Variants in NLRP2 observed in about 807,000 individuals in gnomAD.
The protein encoded by NLRP2 is NLR family pyrin domain containing 2, also known as NACHT, LRR and PYD domains-containing protein 2.
A neutral mutation model predicts 97.2 loss-of-function variants in NLRP2; 107 were observed. The ratio of observed to expected loss-of-function variants is 1.10; its 90% CI spans 0.94 to 1.29. The LOEUF is 1.29. Among genes scored for constraint, NLRP2 ranks in the 50% most tolerant of loss-of-function variants. The probability of loss-of-function intolerance (pLI) is 0.00; values close to 1 mark genes in which losing one functional copy is unlikely to be tolerated. For missense variants in NLRP2, 1,495 were observed against 1,330.3 expected (o/e 1.12, Z -1.93); for synonymous variants, 663 against 551.5 (o/e 1.20, Z -2.83).
Position 55,000,972 on chromosome 19 carries a change from C to T in NLRP2, c.*74C>T, listed in dbSNP as rs1173331500. 7.4e-7 allele frequency: 1 copy of T among 1,358,354 alleles called. No individual in the cohort carries two copies. The highest frequency in any genetic ancestry group is 1.4e-5 in the African/African-American group (1 of 70,042). The allele number at this position is 1,358,354 out of a possible 1,614,324, so 84.1% of individuals were successfully genotyped here. ...TTGGTGAACTGCCTGTGACTCCTCT[C>T]CTCCCCGGCCCCTACCCCTCAGGGA... is the stretch of plus-strand genomic sequence containing the variant. On this transcript the variant is annotated 3_prime_UTR_variant, in exon 13 of 13. Transcript: ENST00000448584.
At position 54,977,792 on chromosome 19, in the gene NLRP2, A is replaced by G; in HGVS notation, c.366A>G (p.Glu122=). Residue 122 remains glutamate, a synonymous_variant, in exon 4 of 13, where the codon GAA becomes GAG. Transcript: ENST00000448584. ...AACGACCACCTCTAGACGTGGACGA[A>G]ATGCTGGAGCGCTTCAAAACAGAAG... ...RKERPPLDVD[E]MLERFKTEAQ... is the part of the protein sequence containing the mutation. 1.2e-6 allele frequency: 2 copies of G among 1,613,846 alleles called. No individual in the cohort carries two copies. Among genetic ancestry groups the G allele is most frequent in the Admixed American group, 1.7e-5 (1 of 59,956 alleles).
intron 8 of NLRP2, 144 bp downstream of exon 8, chr19:54,986,459 G>A: frequency 1.4e-6 from 1 of 736,456 alleles, no homozygotes; most frequent in African/African-American, 1.7e-5. Context: ...TGCAGCATGG[G>A]CTGAACTTGA....
At chr19:54,999,098 A>T (rs563557848) in intron 12 of NLRP2, among the ~76,000 whole-genome samples, 2 of 142,426 alleles carry the variant, frequency 1.4e-5, no homozygotes, top group Non-Finnish European at 3.1e-5. Context: ...GGCCGGGCAG[A>T]GGCGCCCCTC....
chr19:54,966,765 C>G (rs551105974), intron 1 of NLRP2, among the ~76,000 whole-genome samples: 4 of 149,984 alleles, frequency 2.7e-5, no homozygotes, highest in African/African-American at 7.4e-5. Context: ...CCAGGCTGGT[C>G]TCAGTCCGCC....
intron 1 of NLRP2, among the ~76,000 whole-genome samples, chr19:54,969,596 A>T (rs1406457608): frequency 6.6e-6 from 1 of 152,166 alleles, no homozygotes; most frequent in Non-Finnish European, 1.5e-5. Flanking sequence ...CAGAGGTTGC[A>T]GTGAGCTGAG....
At chr19:54,984,060 A>G (rs1162948993) in intron 6 of NLRP2, among the ~76,000 whole-genome samples, 4 of 152,112 alleles carry the variant, frequency 2.6e-5, no homozygotes, top group African/African-American at 9.7e-5. Context: ...CATGTTGGCC[A>G]GTCTGGTCTT....
chr19:54,981,818 G>T (rs1389033483), intron 5 of NLRP2, 136 bp downstream of exon 5: 3 of 734,066 alleles, frequency 4.1e-6, no homozygotes, highest in African/African-American at 3.5e-5. Flanking sequence ...TGCTCTTGTT[G>T]CCCAGGCTGG....
Position 54,994,475 on chromosome 19 carries a change from C to A in NLRP2, c.2879+36C>A, listed in dbSNP as rs183657344. 418 of 1,603,214 alleles carry A rather than the reference C, an allele frequency of 2.6e-4. No individual in the cohort carries two copies. In the African/African-American group the frequency reaches 4.8e-3, roughly 19 times the overall value. Reference sequence around the variant, plus strand: ...TTATAAGTTCAACTTCCTATACTTACACCTTACTGAATCTGTGGCTAGTGT... The same window carrying A: ...TTATAAGTTCAACTTCCTATACTTAAACCTTACTGAATCTGTGGCTAGTGT... On this transcript the variant is annotated intron_variant, in intron 11 of 12. Coordinates refer to ENST00000448584, the MANE Select transcript of NLRP2 (RefSeq NM_017852.5).
intron 6 of NLRP2, among the ~76,000 whole-genome samples, chr19:54,984,629 C>T (rs1035155188): frequency 2.1e-4 from 32 of 150,838 alleles, no homozygotes; most frequent in African/African-American, 7.8e-4. Flanking sequence ...ATTACAGCCA[C>T]CCACGACCAT....
chr19:54,973,344 G>GTTTTTT (rs10673643), intron 2 of NLRP2, among the ~76,000 whole-genome samples: 26 of 92,512 alleles, frequency 2.8e-4, no homozygotes, highest in African/African-American at 9.4e-4. Context: ...ATGGGTGAGG[G>GTTTTTT]TTTTTTTTTT....
intron 4 of NLRP2, 110 bp from the exon 5 acceptor site, chr19:54,981,507 G>A (rs921847523): frequency 2.2e-5 from 11 of 495,044 alleles, no homozygotes; most frequent in Admixed American, 1.8e-4. Flanking sequence ...ATCTGATCCC[G>A]TGCCCCCCCT....
Position 54,982,633 on chromosome 19 carries a change from A to C in NLRP2, c.935A>C (p.Lys312Thr), listed in dbSNP as rs1194518302. The C allele has an allele frequency of 6.8e-6, 11 of 1,614,016 alleles. No individual in the cohort carries two copies. In the East Asian group the frequency reaches 8.9e-5, roughly 13 times the overall value. Residue 312 changes from lysine to threonine, a missense_variant, in exon 6 of 13, where the codon AAG (lysine) becomes ACG (threonine). Lys to Thr is a moderately conservative substitution (Grantham distance 78, BLOSUM62 -1). Coordinates refer to ENST00000448584, the MANE Select transcript of NLRP2 (RefSeq NM_017852.5). Reference protein sequence around the residue: ...EDICGDWEKKKPVPVLLGSLL... With the variant: ...EDICGDWEKKTPVPVLLGSLL... ...ATCTGCGGGGACTGGGAGAAGAAGA[A>C]GCCGGTGCCCGTCCTCCTGGGGAGT...
At position 54,989,933 on chromosome 19, in the gene NLRP2, G is replaced by A. The variant is rs2072345796; in HGVS notation, c.2367-89G>A. On this transcript the variant is annotated intron_variant, in intron 8 of 12. Coordinates refer to ENST00000448584, the MANE Select transcript of NLRP2 (RefSeq NM_017852.5). ...TTGAACCCAGGAGGCGGAGGTTGCT[G>A]TGAGCCGAGATTGCGCCACCTGGGC... 10 of 1,447,666 alleles carry A rather than the reference G, an allele frequency of 6.9e-6. No homozygotes were observed. The South Asian group carries it at 8.1e-5, about 12-fold the overall frequency. 89.7% of individuals were successfully genotyped at this position (1,447,666 alleles called of 1,614,324 possible). A position where few individuals can be genotyped will look rare whatever the true frequency, so the allele number is the denominator to read the frequency against.
In NLRP2 at chr19:54,990,592, C is replaced by G; in HGVS notation, c.2628C>G (p.Ala876=). 2 of 1,614,150 alleles carry G rather than the reference C, an allele frequency of 1.2e-6. No individual in the cohort carries two copies. The highest frequency in any genetic ancestry group is 1.7e-6 in the Non-Finnish European group (2 of 1,180,030). Residue 876 remains alanine (A), a synonymous_variant, in exon 10 of 13, where the codon GCC becomes GCG. Coordinates refer to ENST00000448584, the MANE Select transcript of NLRP2 (RefSeq NM_017852.5). ...VSRELTHLCL[A]KNPIGNTGVK... ...GGGAGCTGACACACCTGTGCTTGGC[C>G]AAGAACCCCATTGGGAATACAGGGG...
chr19:54,985,384 G>T lies in NLRP2; in HGVS notation c.2201+167G>T, dbSNP rs375967563. Among the ~76,000 whole-genome samples, 94 of 152,128 alleles carry T rather than the reference G, an allele frequency of 6.2e-4. 4 individuals carry two copies. In the South Asian group the frequency reaches 0.019, roughly 31 times the overall value. Reference sequence around the variant, plus strand: ...TTATTTTGTGGGATAATCGTATAAAGTAATTTCTAGGGGCTGGGCATGGTG... The same window carrying T: ...TTATTTTGTGGGATAATCGTATAAATTAATTTCTAGGGGCTGGGCATGGTG... On this transcript the variant is annotated intron_variant, in intron 7 of 12. Transcript: ENST00000448584.
Position 54,995,124 on chromosome 19 carries a change from G to A in NLRP2, c.2879+685G>A, listed in dbSNP as rs2072733346. ...AGGTCAGGAGCTCAAGACCAGCCTG[G>A]CCAACTTGAAACTCCATCTCTACTA... On this transcript the variant is annotated intron_variant, in intron 11 of 12. Transcript: ENST00000448584. Among the ~76,000 whole-genome samples, 8 of 119,634 alleles carry A rather than the reference G, an allele frequency of 6.7e-5. No homozygotes were observed. In the South Asian group the frequency reaches 2.3e-3, roughly 34 times the overall value. The allele number at this position is 119,634 out of a possible 152,430, so 78.5% of individuals were successfully genotyped here. A position where few individuals can be genotyped will look rare whatever the true frequency, so the allele number is the denominator to read the frequency against.
Position 54,982,968 on chromosome 19 carries a change from A to T in NLRP2, c.1270A>T (p.Thr424Ser), listed in dbSNP as rs149876739. The T allele has an allele frequency of 6.2e-7, 1 of 1,611,440 alleles. No homozygotes were observed. Among genetic ancestry groups the T allele is most frequent in the Non-Finnish European group, 8.5e-7 (1 of 1,179,688 alleles). Residue 424 changes from threonine to serine, a missense_variant, in exon 6 of 13, where the codon ACC becomes TCC. By Grantham distance (58) the Thr-to-Ser change is moderately conservative. Transcript: ENST00000448584. ...KGEDPVPTCL[T>S]RTGLFLRFLC... ...GGAGGACCCGGTCCCCACCTGCCTC[A>T]CCCGCACGGGGCTGTTCCTGCGTTT...
At position 55,001,080 on chromosome 19, in the gene NLRP2, A is replaced by G; in HGVS notation, c.*182A>G. The G allele has an allele frequency of 1.7e-6, 1 of 588,622 alleles. No individual in the cohort carries two copies. Among genetic ancestry groups the G allele is most frequent in the East Asian group, 2.8e-5 (1 of 35,336 alleles). The allele number at this position is 588,622 out of a possible 1,614,324, so 36.5% of individuals were successfully genotyped here. ...CTGCACACATCCTTATCTTTGTTAC[A>G]TATGAAATATCTGTATCACGGGTAT... On this transcript the variant is annotated 3_prime_UTR_variant, in exon 13 of 13. Transcript: ENST00000448584.
At chr19:54,989,950 C>T (rs1261862551) in intron 8 of NLRP2, 72 bp from the exon 9 acceptor site, 24 of 1,556,066 alleles carry the variant, frequency 1.5e-5, no homozygotes, top group Non-Finnish European at 2.0e-5. Flanking sequence ...GAGATTGCGC[C>T]ACCTGGGCAA....
Sources: gnomAD v4.1 joint callset for allele counts (sites outside exome capture counted in the v4.1 genomes callset) on GRCh38, gnomAD v4.1.1 for gene constraint, MANE v1.5 for transcripts, NCBI Gene and HGNC (gene_info 2026-07-23, HGNC 2026-07-21) for gene names.